BANK1: variants seen among roughly 807,000 people sequenced by gnomAD.
BANK1 encodes the protein B cell scaffold protein with ankyrin repeats 1, also known as B-cell scaffold protein with ankyrin repeats.
Under a neutral mutation model 94.5 loss-of-function variants are expected in BANK1, and 95 were observed. The observed-to-expected ratio is 1.00, with a 90% confidence interval of 0.85 to 1.19. The LOEUF is 1.19. Ranked by LOEUF, BANK1 falls within the 50% of genes most tolerant of loss-of-function variation. The pLI, the probability that BANK1 is intolerant of heterozygous loss-of-function variation, is 0.00. For synonymous variants in BANK1, 334 were observed against 308.4 expected, an observed-to-expected ratio of 1.08 and a Z score of -0.87; for missense variants, 987 against 932.2, an observed-to-expected ratio of 1.06 and a Z score of -0.77.
intron 7 of BANK1, among the ~76,000 whole-genome samples, chr4:101,993,718 G>A (rs1725783161): frequency 6.6e-6 from 1 of 152,202 alleles, no homozygotes; most frequent in Non-Finnish European, 1.5e-5. Context: ...ATCCTGGGCA[G>A]GGCGTTTGAT....
intron 2 of BANK1, among the ~76,000 whole-genome samples, chr4:101,848,572 T>G (rs1055949793): frequency 1.3e-5 from 2 of 152,226 alleles, no homozygotes; most frequent in African/African-American, 4.8e-5. Flanking sequence ...ATCCATTTGC[T>G]AAGATAATAC....
chr4:102,000,643 A>C (rs1053558520), intron 7 of BANK1, among the ~76,000 whole-genome samples: 1 of 152,220 alleles, frequency 6.6e-6, no homozygotes, highest in Admixed American at 6.5e-5. Context: ...AAACTGATAC[A>C]TGTGTTGCAA....
intron 7 of BANK1, among the ~76,000 whole-genome samples, chr4:101,939,622 C>A (rs1015030953): frequency 4.0e-5 from 6 of 151,660 alleles, no homozygotes; most frequent in East Asian, 1.9e-4. Context: ...ACATCACTTT[C>A]TCTCACAAAT....
chr4:101,884,917 T>G (rs1728796929), intron 5 of BANK1, among the ~76,000 whole-genome samples: 1 of 151,178 alleles, frequency 6.6e-6, no homozygotes, highest in Admixed American at 6.6e-5. Context: ...TTTTGTTTTG[T>G]TTTTTTCTGA....
intron 2 of BANK1, among the ~76,000 whole-genome samples, chr4:101,842,420 TTTAA>T (rs563030742): frequency 5.3e-4 from 81 of 152,348 alleles, no homozygotes; most frequent in Non-Finnish European, 9.4e-4. Flanking sequence ...CATTTTAAAG[TTTAA>T]TTGTCACAAA....
chr4:101,881,613 C>T, intron 5 of BANK1, among the ~76,000 whole-genome samples: 1 of 152,156 alleles, frequency 6.6e-6, no homozygotes, highest in East Asian at 1.9e-4. Context: ...GATATCTGCA[C>T]TCCCATGTTT....
intron 1 of BANK1, among the ~76,000 whole-genome samples, chr4:101,792,352 A>T (rs902353248): frequency 6.7e-6 from 1 of 148,852 alleles, no homozygotes; most frequent in Non-Finnish European, 1.5e-5. Flanking sequence ...ACATAATGAA[A>T]CTTTTCTAAA....
At chr4:102,054,753 A>G (rs1422530400) in intron 11 of BANK1, among the ~76,000 whole-genome samples, 1 of 151,130 alleles carries the variant, frequency 6.6e-6, no homozygotes, top group East Asian at 1.9e-4. Context: ...GTAAACTGTG[A>G]AAATGGGGAG....
At chr4:102,066,132 C>T (rs74285015) in intron 13 of BANK1, among the ~76,000 whole-genome samples, 5,537 of 151,820 alleles carry the variant, frequency 0.036, 152 homozygotes, top group East Asian at 0.077. Flanking sequence ...TTTCAAGCTA[C>T]TTTAAGCCAA....
intron 13 of BANK1, among the ~76,000 whole-genome samples, chr4:102,066,004 A>T (rs1186799403): frequency 1.3e-5 from 2 of 152,270 alleles, no homozygotes; most frequent in East Asian, 1.9e-4. Flanking sequence ...AATATTTTTT[A>T]AAAAATGATG....
At chr4:102,038,622 G>A (rs1484412982) in intron 10 of BANK1, among the ~76,000 whole-genome samples, 2 of 152,098 alleles carry the variant, frequency 1.3e-5, no homozygotes, top group East Asian at 1.9e-4. Context: ...ACTAATAAAC[G>A]CATTGCCATG....
chr4:101,838,652 A>G (rs957052151), intron 2 of BANK1, among the ~76,000 whole-genome samples: 26 of 152,210 alleles, frequency 1.7e-4, no homozygotes, highest in African/African-American at 6.0e-4. Flanking sequence ...TCTGAAATCT[A>G]TGCCAAGACA....
intron 7 of BANK1, among the ~76,000 whole-genome samples, chr4:101,990,345 T>A (rs1015880360): frequency 7.2e-5 from 11 of 152,300 alleles, no homozygotes; most frequent in African/African-American, 2.6e-4. Flanking sequence ...TGTTTTGATG[T>A]CCCTAAATGC....
Position 101,790,907 on chromosome 4 carries a change from G to A in BANK1, c.27G>A (p.Gly9=), listed in dbSNP as rs749968892. 12 of 1,538,580 alleles carry A rather than the reference G, an allele frequency of 7.8e-6. No homozygotes were observed. The highest frequency in any genetic ancestry group is 1.0e-5 in the Non-Finnish European group (12 of 1,146,986). ...TGCTGCCAGCAGCGCCAGGCAAGGG[G>A]CTTGGGAGCCCGGACCCCGCCCCCT... The part of the protein sequence containing the change: MLPAAPGK[G]LGSPDPAPCG... Residue 9 remains glycine, a synonymous_variant, in exon 1 of 17, where the codon GGG becomes GGA. Transcript: ENST00000322953.
intron 7 of BANK1, among the ~76,000 whole-genome samples, chr4:101,934,071 G>T (rs762367484): frequency 6.6e-6 from 1 of 151,192 alleles, no homozygotes; most frequent in Non-Finnish European, 1.5e-5. Context: ...AGCTTCACAG[G>T]GTATGAAGAC....
chr4:101,907,872 A>G (rs1174623543), intron 6 of BANK1, among the ~76,000 whole-genome samples: 2 of 152,234 alleles, frequency 1.3e-5, no homozygotes, highest in African/African-American at 4.8e-5. Flanking sequence ...CTCTTCAAGG[A>G]GAACTACAAA....
chr4:101,870,928 G>A (rs10516484), intron 5 of BANK1, among the ~76,000 whole-genome samples: 10,740 of 151,964 alleles, frequency 0.071, 610 homozygotes, highest in East Asian at 0.18. Flanking sequence ...GATAAAGGGA[G>A]AGCAATTAGA....
chr4:102,060,148 G>A (rs1310485913), intron 11 of BANK1, 63 bp from the exon 12 acceptor site: 2 of 1,392,826 alleles, frequency 1.4e-6, no homozygotes, highest in Non-Finnish European at 1.9e-6. Flanking sequence ...TTTGTAGAGT[G>A]CTTTTGTTCC....
At chr4:101,946,516 A>T (rs1364463946) in intron 7 of BANK1, among the ~76,000 whole-genome samples, 1 of 151,996 alleles carries the variant, frequency 6.6e-6, no homozygotes, top group Non-Finnish European at 1.5e-5. Context: ...CAGACGGCAA[A>T]ATGCAGACGC....
Sources: gnomAD v4.1 joint callset for allele counts (sites outside exome capture counted in the v4.1 genomes callset) on GRCh38, gnomAD v4.1.1 for gene constraint, MANE v1.5 for transcripts, NCBI Gene and HGNC (gene_info 2026-07-23, HGNC 2026-07-21) for gene names.